The following CDK13 variants were observed in gnomAD, a reference collection of about 807,000 sequenced individuals.
CDK13 encodes the protein cyclin-dependent kinase 13.
A neutral mutation model predicts 137.6 loss-of-function variants in CDK13; 40 were observed. That is an observed-to-expected ratio of 0.29 (90% CI 0.23 to 0.38). CDK13 has a LOEUF of 0.38. Ranked by LOEUF, CDK13 falls within the 10% of genes least tolerant of loss-of-function variation. The pLI is 1.00. For missense variants in CDK13, 1,704 were observed against 1,951.8 expected (o/e 0.87, Z 2.39); for synonymous variants, 869 against 760.1 (o/e 1.14, Z -2.36).
At chr7:39,989,815 C>T (rs1183869715) in intron 2 of CDK13, among the ~76,000 whole-genome samples, 1 of 145,916 alleles carries the variant, frequency 6.9e-6, no homozygotes, top group African/African-American at 2.6e-5. Flanking sequence ...CGGAGTCTTG[C>T]TCTTTTGCCG....
chr7:40,064,394 A>C (rs1289256982), intron 9 of CDK13, among the ~76,000 whole-genome samples: 1 of 151,874 alleles, frequency 6.6e-6, no homozygotes, highest in African/African-American at 2.4e-5. Flanking sequence ...GAAGTTTTTT[A>C]GGAAAGATAT....
chr7:40,032,778 C>G (rs1325028352), intron 5 of CDK13, among the ~76,000 whole-genome samples: 1 of 151,850 alleles, frequency 6.6e-6, no homozygotes, highest in Non-Finnish European at 1.5e-5. Context: ...TGATACCATA[C>G]TGTATTAATT....
At chr7:40,080,104 C>T (rs1429457857) in intron 11 of CDK13, among the ~76,000 whole-genome samples, 1 of 152,210 alleles carries the variant, frequency 6.6e-6, no homozygotes, top group African/African-American at 2.4e-5. Context: ...TCTCCTGCTT[C>T]AGCCTCCCGA....
rs562814186 is a variant in CDK13, at chr7:39,980,679, T to C, written c.1212-6920T>C. Among the ~76,000 whole-genome samples the C allele has an allele frequency of 5.9e-5, 9 of 152,300 alleles. No individual in the cohort carries two copies. In the East Asian group the frequency reaches 1.2e-3, roughly 20 times the overall value. On this transcript the variant is annotated intron_variant, in intron 1 of 13. Transcript: ENST00000181839. ...ATTTCTGTCATCCAGAAAGTTCCAT[T>C]GAGTGATGCTGCTCTGTGTTATTTT...
intron 9 of CDK13, chr7:40,068,090 A>G (rs1341435560): frequency 1.3e-5 from 2 of 148,328 alleles, no homozygotes; most frequent in East Asian, 3.9e-4. Context: ...GACTGTCTCA[A>G]AAAAAAAAAA....
In CDK13 at chr7:40,033,417, T is replaced by G. The variant is rs78857075; in HGVS notation, c.2354-12419T>G. On this transcript the variant is annotated intron_variant, in intron 5 of 13. Coordinates refer to ENST00000181839, the MANE Select transcript of CDK13 (RefSeq NM_003718.5). ...CTGCTATATCTGAGTCTGACTCTGA[T>G]GCTTGTTTCTTCAAACTGTGTTTTA... is the stretch of plus-strand genomic sequence containing the variant. Among the ~76,000 whole-genome samples the G allele has an allele frequency of 1.1e-3, 164 of 152,352 alleles. 5 individuals carry two copies. The East Asian group carries it at 0.029, about 27-fold the overall frequency.
chr7:40,029,704 G>A (rs1250405371), intron 5 of CDK13, among the ~76,000 whole-genome samples: 2 of 151,836 alleles, frequency 1.3e-5, no homozygotes, highest in African/African-American at 4.8e-5. Flanking sequence ...CCAGGCTGGA[G>A]TACAGTGCTG....
chr7:40,004,554 G>A (rs1315710583), intron 5 of CDK13, among the ~76,000 whole-genome samples: 1 of 152,124 alleles, frequency 6.6e-6, no homozygotes, highest in Non-Finnish European at 1.5e-5. Flanking sequence ...ATGATTTTCC[G>A]AAAAGGGAAC....
chr7:40,072,353 A>T (rs531805282), intron 9 of CDK13: 1 of 152,336 alleles, frequency 6.6e-6, no homozygotes, highest in Non-Finnish European at 1.5e-5. Flanking sequence ...TCTCGAACTC[A>T]TGACCTCAGG....
chr7:39,988,041 T>G lies in CDK13; in HGVS notation c.1654T>G (p.Leu552Val), dbSNP rs1784377641. Residue 552 changes from leucine to valine, a missense_variant, in exon 2 of 14, where the codon TTG becomes GTG. Leu to Val is a conservative substitution (Grantham distance 32). Coordinates refer to ENST00000181839, the MANE Select transcript of CDK13 (RefSeq NM_003718.5). ...PLQVTKVENN[L>V]IVDKATKKAV... ...TCAGGTAACGAAGGTGGAAAATAAT[T>G]TGATTGTAGATAAAGCCACCAAGAA... 6.2e-7 allele frequency: 1 copy of G among 1,613,650 alleles called. No homozygotes were observed. The highest frequency in any genetic ancestry group is 8.5e-7 in the Non-Finnish European group (1 of 1,179,882).
At chr7:40,007,384 C>T (rs960132767) in intron 5 of CDK13, among the ~76,000 whole-genome samples, 1 of 152,148 alleles carries the variant, frequency 6.6e-6, no homozygotes, top group African/African-American at 2.4e-5. Context: ...GCATGTCATA[C>T]GTAATTCTGT....
At chr7:40,061,863 T>C (rs1255305872) in intron 7 of CDK13, 1 of 152,248 alleles carries the variant, frequency 6.6e-6, no homozygotes, top group Non-Finnish European at 1.5e-5. Context: ...ATAACTTGAC[T>C]AAATAATCTT....
intron 5 of CDK13, among the ~76,000 whole-genome samples, chr7:40,032,745 T>C (rs1785406591): frequency 6.6e-6 from 1 of 152,018 alleles, no homozygotes; most frequent in African/African-American, 2.4e-5. Flanking sequence ...TTTATTAGTC[T>C]AGTTATGTTT....
At chr7:40,039,826 G>A (rs1272901288) in intron 5 of CDK13, among the ~76,000 whole-genome samples, 2 of 151,910 alleles carry the variant, frequency 1.3e-5, no homozygotes, top group Non-Finnish European at 2.9e-5. Flanking sequence ...GGTATTTTTA[G>A]CCATGCAGAG....
At chr7:40,070,055 T>A (rs1786377881) in intron 9 of CDK13, 1 of 87,874 alleles carries the variant, frequency 1.1e-5, no homozygotes, top group African/African-American at 4.9e-5. Flanking sequence ...ACCCCGTCTC[T>A]ACCAAAACTA....
rs1278070843 is a variant in CDK13 at position 40,093,022 on chromosome 7, G to A, written c.3473G>A (p.Gly1158Glu). The change falls in exon 13 of 14, where the codon GGA (glycine) becomes GAA (glutamate). Residue 1158 changes from glycine to glutamate, a missense_variant. Physicochemically the swap from Gly to Glu is moderately conservative, Grantham distance 98 (BLOSUM62 -2). Transcript: ENST00000181839. ...CAGGAGTCTTCGAAACCGTTGGGAG[G>A]AATTCAGCCTTCTTCTCAGACCATC... ...PQQESSKPLG[G>E]IQPSSQTIQP... The A allele has an allele frequency of 6.2e-7, 1 of 1,614,200 alleles. No homozygotes were observed. The highest frequency in any genetic ancestry group is 1.7e-5 in the Admixed American group (1 of 60,024).
At chr7:40,015,339 C>G (rs1484368143) in intron 5 of CDK13, among the ~76,000 whole-genome samples, 1 of 152,054 alleles carries the variant, frequency 6.6e-6, no homozygotes, top group African/African-American at 2.4e-5. Context: ...GTCACTATTT[C>G]CTGAACAGTG....
intron 1 of CDK13, among the ~76,000 whole-genome samples, chr7:39,960,907 G>T (rs60806836): frequency 0.057 from 8,742 of 152,136 alleles, 808 homozygotes; most frequent in African/African-American, 0.19. Context: ...AATTGTATAT[G>T]TTTATGTGTG....
chr7:40,027,893 G>A (rs1290907283), intron 5 of CDK13, among the ~76,000 whole-genome samples: 1 of 152,064 alleles, frequency 6.6e-6, no homozygotes, highest in Non-Finnish European at 1.5e-5. Flanking sequence ...TCTGAGAATA[G>A]AGCAAGCACT....
Sources: allele counts gnomAD v4.1 joint callset (sites outside exome capture counted in the v4.1 genomes callset), GRCh38; gene constraint gnomAD v4.1.1; transcripts MANE v1.5; gene names NCBI Gene and HGNC (gene_info 2026-07-23, HGNC 2026-07-21).